GRID2: variants seen among roughly 807,000 people sequenced by gnomAD.
GRID2 encodes glutamate receptor ionotropic, delta-2.
GRID2 carries 33 observed loss-of-function variants against 114.8 expected under a neutral mutation model. The ratio of observed to expected loss-of-function variants is 0.29; its 90% confidence interval spans 0.22 to 0.38. GRID2 has a LOEUF of 0.38. GRID2 is among the 10% of genes least tolerant of loss of function. The probability of loss-of-function intolerance (pLI) is 1.00; values close to 1 mark genes in which losing one functional copy is unlikely to be tolerated. For synonymous variants in GRID2, 505 were observed against 449.9 expected, an observed-to-expected ratio of 1.12 and a Z score of -1.55; for missense variants, 1,184 against 1,257.7, an observed-to-expected ratio of 0.94 and a Z score of 0.89.
intron 4 of GRID2, among the ~76,000 whole-genome samples, chr4:93,205,966 G>A (rs1303575639): frequency 6.6e-6 from 1 of 152,056 alleles, no homozygotes; most frequent in East Asian, 1.9e-4. Flanking sequence ...ATTTTGAGAA[G>A]TGTCTGTTCA....
intron 14 of GRID2, among the ~76,000 whole-genome samples, chr4:93,754,441 C>G (rs1732581270): frequency 6.6e-6 from 1 of 152,136 alleles, no homozygotes; most frequent in African/African-American, 2.4e-5. Context: ...CTTTCTATGA[C>G]AGTATGTCCA....
At chr4:92,574,854 T>G (rs1002159876) in intron 1 of GRID2, among the ~76,000 whole-genome samples, 1 of 152,224 alleles carries the variant, frequency 6.6e-6, no homozygotes, top group African/African-American at 2.4e-5. Context: ...TTTCCTGAAT[T>G]TGAATGTTGG....
intron 8 of GRID2, among the ~76,000 whole-genome samples, chr4:93,311,623 A>T (rs1488595354): frequency 6.6e-6 from 1 of 152,226 alleles, no homozygotes; most frequent in Non-Finnish European, 1.5e-5. Flanking sequence ...AAAGAAATAG[A>T]TTAGCACAGA....
chr4:93,474,388 A>G (rs925856870), intron 11 of GRID2, among the ~76,000 whole-genome samples: 4 of 152,096 alleles, frequency 2.6e-5, no homozygotes, highest in African/African-American at 7.2e-5. Flanking sequence ...TATATTGGTT[A>G]TGTTTTAAGT....
At chr4:93,731,698 G>A (rs1029585922) in intron 14 of GRID2, among the ~76,000 whole-genome samples, 1 of 152,166 alleles carries the variant, frequency 6.6e-6, no homozygotes, top group African/African-American at 2.4e-5. Context: ...AGAGCTTGTG[G>A]TATGCAGACT....
At chr4:92,978,694 A>G (rs540936716) in intron 2 of GRID2, among the ~76,000 whole-genome samples, 8 of 152,234 alleles carry the variant, frequency 5.3e-5, no homozygotes, top group African/African-American at 1.7e-4. Flanking sequence ...ACAATTCATG[A>G]TTTCACTAGT....
chr4:92,495,780 T>C lies in GRID2; in HGVS notation c.89-94351T>C, dbSNP rs576518124. Among the ~76,000 whole-genome samples the C allele has an allele frequency of 2.4e-4, 36 of 151,894 alleles. 2 individuals are homozygous for C. In the South Asian group the frequency reaches 7.3e-3, roughly 31 times the overall value. On this transcript the variant is annotated intron_variant, in intron 1 of 15. Transcript: ENST00000282020. ...TAAAATTCAAAGTAATTGTGTAGGG[T>C]GGTCATTTTCTGATCTGAGAACCTC...
At chr4:93,046,389 G>A (rs1726138429) in intron 2 of GRID2, among the ~76,000 whole-genome samples, 1 of 151,978 alleles carries the variant, frequency 6.6e-6, no homozygotes, top group South Asian at 2.1e-4. Context: ...TACCTAAAGG[G>A]CAATGTAGAG....
At chr4:92,949,785 T>C (rs1751898296) in intron 2 of GRID2, among the ~76,000 whole-genome samples, 1 of 151,902 alleles carries the variant, frequency 6.6e-6, no homozygotes, top group Non-Finnish European at 1.5e-5. Context: ...AGTGTAGCTG[T>C]GCACTAAGGC....
intron 8 of GRID2, among the ~76,000 whole-genome samples, chr4:93,393,692 G>T (rs1273472514): frequency 6.6e-6 from 1 of 151,928 alleles, no homozygotes. Context: ...ATAAATGTTT[G>T]TCCATAGCAT....
At chr4:92,373,966 A>T (rs1311936271) in intron 1 of GRID2, among the ~76,000 whole-genome samples, 1 of 152,108 alleles carries the variant, frequency 6.6e-6, no homozygotes, top group East Asian at 1.9e-4. Flanking sequence ...CCTATTTTTC[A>T]TCACTGTAAT....
intron 2 of GRID2, chr4:92,822,227 C>A: frequency 5.7e-6 from 3 of 523,924 alleles, no homozygotes; most frequent in Non-Finnish European, 1.1e-5. Context: ...TGATGATATT[C>A]CCACCACATA....
rs577482229 is a variant in GRID2 at position 93,237,850 on chromosome 4, G to A, written c.1126-521G>A. On this transcript the variant is annotated intron_variant, in intron 7 of 15. Transcript: ENST00000282020. ...TTTAACTTTCTTTTATTTTTGATTT[G>A]GAAAATATATTTAAAGAAGGGGCAA... 2.0e-5 allele frequency among the ~76,000 whole-genome samples: 3 copies of A among 151,680 alleles called. No homozygotes were observed. The East Asian group carries it at 5.8e-4, about 29-fold the overall frequency.
chr4:92,898,571 G>A (rs867951166), intron 2 of GRID2, among the ~76,000 whole-genome samples: 13 of 152,186 alleles, frequency 8.5e-5, no homozygotes, highest in Middle Eastern at 3.4e-3. Context: ...CTTTGCATCA[G>A]GGGAAAAGGG....
At chr4:93,122,470 G>A (rs1733864687) in intron 4 of GRID2, among the ~76,000 whole-genome samples, 1 of 152,042 alleles carries the variant, frequency 6.6e-6, no homozygotes, top group South Asian at 2.1e-4. Flanking sequence ...CTAATATGAA[G>A]CACATGACTT....
intron 2 of GRID2, among the ~76,000 whole-genome samples, chr4:92,873,696 T>A (rs141139867): frequency 1.5e-3 from 229 of 152,138 alleles, no homozygotes; most frequent in Admixed American, 3.3e-3. Context: ...CATCCTCTAA[T>A]TGAGGTTTTT....
chr4:93,596,427 A>G (rs530589977), intron 13 of GRID2, among the ~76,000 whole-genome samples: 1 of 152,152 alleles, frequency 6.6e-6, no homozygotes, highest in East Asian at 1.9e-4. Flanking sequence ...AAATACAAAA[A>G]ATTAGCTGGG....
intron 14 of GRID2, among the ~76,000 whole-genome samples, chr4:93,663,597 G>A (rs137949698): frequency 6.6e-6 from 1 of 152,068 alleles, no homozygotes; most frequent in African/African-American, 2.4e-5. Flanking sequence ...AGGAGGTAGC[G>A]GACAGTGTAG....
chr4:93,282,685 A>G (rs1317408500), intron 8 of GRID2, among the ~76,000 whole-genome samples: 1 of 152,050 alleles, frequency 6.6e-6, no homozygotes, highest in African/African-American at 2.4e-5. Context: ...TTCAAATCAT[A>G]GTACTACCCT....
Sources: allele counts gnomAD v4.1 joint callset (sites outside exome capture counted in the v4.1 genomes callset), GRCh38; gene constraint gnomAD v4.1.1; transcripts MANE v1.5; gene names NCBI Gene and HGNC (gene_info 2026-07-23, HGNC 2026-07-21).